Variants in LAMA3 observed in about 807,000 individuals in gnomAD.
LAMA3 encodes laminin subunit alpha 3, also known as laminin subunit alpha-3.
A neutral mutation model predicts 402.0 loss-of-function variants in LAMA3; 281 were observed. That is an observed-to-expected ratio of 0.70 (90% CI 0.63 to 0.77). The LOEUF is 0.77. Among genes scored for constraint, LAMA3 ranks in the 30% least tolerant of loss-of-function variants. The pLI is 0.00. For missense variants in LAMA3, 3,840 were observed against 4,215.5 expected, an observed-to-expected ratio of 0.91 and a Z score of 2.47; for synonymous variants, 1,431 against 1,558.4, an observed-to-expected ratio of 0.92 and a Z score of 1.93.
Position 23,931,025 on chromosome 18 carries a change from C to T in LAMA3, c.8437-37C>T, listed in dbSNP as rs764663587. On this transcript the variant is annotated intron_variant, in intron 64 of 74. Coordinates refer to ENST00000313654, the MANE Select transcript of LAMA3 (RefSeq NM_198129.4). ...AAGATACAGGCATAATCCTTATATG[C>T]AAATTAGTTGATGGGTATTTTCTAT... is the stretch of plus-strand genomic sequence containing the variant. 20 of 1,585,344 alleles carry T rather than the reference C, an allele frequency of 1.3e-5. No individual in the cohort carries two copies. In the South Asian group the frequency reaches 2.1e-4, roughly 17 times the overall value.
At chr18:23,824,704 A>G in intron 21 of LAMA3, 139 bp downstream of exon 21, 5 of 888,554 alleles carry the variant, frequency 5.6e-6, no homozygotes, top group Non-Finnish European at 9.1e-6. Context: ...ATTCAGCCCC[A>G]ACCTAAGGAA....
At chr18:23,907,525 C>T (rs2081288333) in intron 52 of LAMA3, 25 bp from the exon 53 acceptor site, 1 of 1,505,284 alleles carries the variant, frequency 6.6e-7, no homozygotes, top group Non-Finnish European at 9.2e-7. Flanking sequence ...AAGTAATTGC[C>T]TCCTGATGCT....
At chr18:23,798,063 C>T (rs1365165783) in intron 12 of LAMA3, among the ~76,000 whole-genome samples, 2 of 152,158 alleles carry the variant, frequency 1.3e-5, no homozygotes, top group Non-Finnish European at 2.9e-5. Flanking sequence ...CCTCTTTCTC[C>T]TCCCCATCCC....
intron 13 of LAMA3, among the ~76,000 whole-genome samples, chr18:23,811,543 G>A (rs541625811): frequency 2.0e-4 from 31 of 152,116 alleles, no homozygotes; most frequent in Non-Finnish European, 4.4e-4. Context: ...CACCTCCATG[G>A]GCCTCAGGAG....
chr18:23,801,234 A>T (rs1224322784), intron 12 of LAMA3, among the ~76,000 whole-genome samples: 2 of 152,190 alleles, frequency 1.3e-5, no homozygotes, highest in African/African-American at 4.8e-5. Flanking sequence ...GGAGCTTAAC[A>T]TTGAGTACAC....
chr18:23,866,844 G>A (rs1478461994), intron 36 of LAMA3, among the ~76,000 whole-genome samples: 3 of 152,202 alleles, frequency 2.0e-5, no homozygotes, highest in Non-Finnish European at 4.4e-5. Context: ...GTGATCCTAG[G>A]TAATGGCCTT....
In LAMA3 at chr18:23,748,107, A is replaced by C. The variant is rs748538626; in HGVS notation, c.565+47A>C. The stretch of plus-strand genomic sequence containing the variant: ...GTTATGCATGGCTTTAATTACTTGG[A>C]ACAGATAAAGACTATGGATTTAATT... On this transcript the variant is annotated intron_variant, in intron 3 of 74. Transcript: ENST00000313654. 39 of 1,051,674 alleles carry C rather than the reference A, an allele frequency of 3.7e-5. 1 individual carries two copies. The South Asian group carries it at 4.8e-4, about 13-fold the overall frequency. The allele number at this position is 1,051,674 out of a possible 1,614,324, so 65.1% of individuals were successfully genotyped here. A position where few individuals can be genotyped will look rare whatever the true frequency, so the allele number is the denominator to read the frequency against.
At chr18:23,910,837 A>G (rs770525544) in intron 55 of LAMA3, among the ~76,000 whole-genome samples, 9 of 152,224 alleles carry the variant, frequency 5.9e-5, no homozygotes, top group Non-Finnish European at 1.0e-4. Flanking sequence ...GTACAGGTGG[A>G]CACCATTTAT....
chr18:23,906,749 G>T lies in LAMA3; in HGVS notation c.6719-801G>T, dbSNP rs577427273. On this transcript the variant is annotated intron_variant, in intron 52 of 74. Coordinates refer to ENST00000313654, the MANE Select transcript of LAMA3 (RefSeq NM_198129.4). ...TTTGCCTTGCAAATTTCAATAATTT[G>T]GATTTCCTGGTATGACATCTATTTC... 2.0e-5 allele frequency among the ~76,000 whole-genome samples: 3 copies of T among 152,222 alleles called. No individual in the cohort carries two copies. The South Asian group carries it at 6.2e-4, about 32-fold the overall frequency.
chr18:23,952,373 C>A (rs996273542), intron 73 of LAMA3, among the ~76,000 whole-genome samples: 8 of 152,122 alleles, frequency 5.3e-5, no homozygotes, highest in East Asian at 1.9e-4. Flanking sequence ...ACTATTTAGA[C>A]AACCCGATGA....
chr18:23,791,495 G>C (rs1388513588), intron 12 of LAMA3, among the ~76,000 whole-genome samples: 1 of 152,090 alleles, frequency 6.6e-6, no homozygotes, highest in Non-Finnish European at 1.5e-5. Context: ...ACTTTGGGAG[G>C]CCAAGGTGGG....
chr18:23,873,221 G>C, intron 38 of LAMA3: 1 of 1,613,314 alleles, frequency 6.2e-7, no homozygotes, highest in African/African-American at 1.3e-5. Flanking sequence ...GCCAGGTAAC[G>C]TCCTTTTAAG....
At chr18:23,790,829 A>G (rs1038403603) in intron 12 of LAMA3, among the ~76,000 whole-genome samples, 2 of 152,150 alleles carry the variant, frequency 1.3e-5, no homozygotes, top group Non-Finnish European at 2.9e-5. Flanking sequence ...CATTATCTAT[A>G]AAGAGCAAGG....
chr18:23,813,605 G>A (rs1411613965), intron 14 of LAMA3, among the ~76,000 whole-genome samples: 1 of 130,902 alleles, frequency 7.6e-6, no homozygotes, highest in African/African-American at 3.0e-5. Context: ...GTGCAGTGCC[G>A]CGATCTCAGC....
chr18:23,715,927 G>C (rs1439476455), intron 2 of LAMA3, among the ~76,000 whole-genome samples: 2 of 152,178 alleles, frequency 1.3e-5, no homozygotes, highest in Non-Finnish European at 2.9e-5. Flanking sequence ...GGGCAGTTTT[G>C]TGACAGAAGG....
chr18:23,818,544 AT>A (rs1248577844), intron 18 of LAMA3, among the ~76,000 whole-genome samples: 3 of 152,184 alleles, frequency 2.0e-5, no homozygotes, highest in African/African-American at 7.2e-5. Context: ...TTATCAGAGA[AT>A]TTTTAGGTTT....
chr18:23,898,878 G>T (rs765027737), intron 45 of LAMA3, 30 bp downstream of exon 45: 9 of 1,572,926 alleles, frequency 5.7e-6, no homozygotes, highest in Middle Eastern at 1.7e-4. Flanking sequence ...TAACTTTGGG[G>T]TTTTTTTGCT....
chr18:23,932,178 T>C lies in LAMA3; in HGVS notation c.8595T>C (p.Asp2865=). ...CTTTCAGACTACGGCTTCTCATCGA[T>C]GACCAGCTTCTGAGAAATAGCAAAA... is the stretch of plus-strand genomic sequence containing the variant. ...SDNSGLRLLI[D]DQLLRNSKRL... Residue 2865 remains aspartate, a synonymous_variant, in exon 66 of 75, where the codon GAT becomes GAC. Coordinates refer to ENST00000313654, the MANE Select transcript of LAMA3 (RefSeq NM_198129.4). The C allele has an allele frequency of 1.2e-6, 2 of 1,614,106 alleles. No homozygotes were observed. The highest frequency in any genetic ancestry group is 1.7e-6 in the Non-Finnish European group (2 of 1,179,928).
chr18:23,871,689 TC>T, intron 38 of LAMA3, 28 bp downstream of exon 38: 1 of 1,554,892 alleles, frequency 6.4e-7, no homozygotes, highest in East Asian at 2.4e-5. Flanking sequence ...CCGCAACATT[TC>T]CCTAGGGAGC....
Sources: allele counts gnomAD v4.1 joint callset (sites outside exome capture counted in the v4.1 genomes callset), GRCh38; gene constraint gnomAD v4.1.1; transcripts MANE v1.5; gene names NCBI Gene and HGNC (gene_info 2026-07-23, HGNC 2026-07-21).